Variants in ARSB observed in about 807,000 individuals in gnomAD.
The protein encoded by ARSB is N-acetylgalactosamine-4-sulfatase.
In ARSB, 41 loss-of-function variants were observed where a neutral mutation model predicts 50.9. The observed-to-expected ratio is 0.81, with a 90% confidence interval of 0.63 to 1.04. The LOEUF (loss-of-function observed/expected upper bound fraction) is 1.04, where lower values mean the gene tolerates loss of function less well. Among genes scored for constraint, ARSB ranks in the 50% least tolerant of loss-of-function variants. The pLI is 0.00. For missense variants in ARSB, 672 were observed against 693.3 expected, an observed-to-expected ratio of 0.97 and a Z score of 0.35; for synonymous variants, 269 against 284.8, an observed-to-expected ratio of 0.94 and a Z score of 0.56.
intron 5 of ARSB, among the ~76,000 whole-genome samples, chr5:78,865,992 A>G (rs1270442204): frequency 6.6e-6 from 1 of 151,924 alleles, no homozygotes; most frequent in African/African-American, 2.4e-5. Context: ...ACTTTCCCAC[A>G]TTTTCCTGTC....
At chr5:78,966,871 A>G (rs756136322) in intron 2 of ARSB, among the ~76,000 whole-genome samples, 2 of 151,782 alleles carry the variant, frequency 1.3e-5, no homozygotes, top group Non-Finnish European at 2.9e-5. Context: ...GTGATCTTAC[A>G]TCAAGTCTAA....
chr5:78,963,701 T>A (rs1050023687), intron 3 of ARSB, among the ~76,000 whole-genome samples: 1 of 152,118 alleles, frequency 6.6e-6, no homozygotes, highest in African/African-American at 2.4e-5. Context: ...AGCATCAGTA[T>A]AGTAAATGTG....
At chr5:78,853,253 T>C (rs1293468250) in intron 5 of ARSB, among the ~76,000 whole-genome samples, 1 of 152,206 alleles carries the variant, frequency 6.6e-6, no homozygotes, top group African/African-American at 2.4e-5. Context: ...GTCCTTTCTG[T>C]TTGTTAGTTT....
chr5:78,830,007 G>A (rs1744600888), intron 6 of ARSB, among the ~76,000 whole-genome samples: 2 of 152,318 alleles, frequency 1.3e-5, no homozygotes, highest in East Asian at 1.9e-4. Context: ...GCTCCAGGGT[G>A]GAAGACGGAA....
Position 78,964,430 on chromosome 5 carries a change from G to T in ARSB, c.676C>A (p.His226Asn). The stretch of plus-strand genomic sequence containing the variant: ...GCAAAACTTACCTTCTCTGGTGGAT[G>T]GTTAGTTATGAGGGCTATAGCCCTT... Reference protein sequence around the residue: ...TKRAIALITNHPPEKPLFLYL... With the variant: ...TKRAIALITNNPPEKPLFLYL... The change falls in exon 3 of 8, where the codon CAT (histidine) becomes AAT (asparagine). Residue 226 changes from histidine (H) to asparagine (N), a missense_variant. Coordinates refer to ENST00000264914, the MANE Select transcript of ARSB (RefSeq NM_000046.5). 1.2e-6 allele frequency: 2 copies of T among 1,613,938 alleles called. No homozygotes were observed. Among genetic ancestry groups the T allele is most frequent in the Non-Finnish European group, 1.7e-6 (2 of 1,179,852 alleles).
chr5:78,853,483 G>A (rs960489004), intron 5 of ARSB, among the ~76,000 whole-genome samples: 8 of 152,192 alleles, frequency 5.3e-5, no homozygotes, highest in African/African-American at 1.4e-4. Context: ...GGTGCCTCCC[G>A]GTTAGGTTGC....
intron 4 of ARSB, among the ~76,000 whole-genome samples, chr5:78,889,422 CCTGA>C (rs1262632176): frequency 1.3e-5 from 2 of 152,084 alleles, no homozygotes; most frequent in Non-Finnish European, 1.5e-5. Flanking sequence ...TGTTTCATTT[CCTGA>C]CTGACATATG....
At chr5:78,809,900 A>T (rs957507924) in intron 6 of ARSB, among the ~76,000 whole-genome samples, 5 of 152,184 alleles carry the variant, frequency 3.3e-5, no homozygotes, top group Non-Finnish European at 5.9e-5. Context: ...ACAGAGAGGA[A>T]TAGGGGGCAG....
chr5:78,852,703 G>A (rs376364022), intron 5 of ARSB, among the ~76,000 whole-genome samples: 7 of 152,082 alleles, frequency 4.6e-5, no homozygotes, highest in African/African-American at 1.2e-4. Context: ...CCAATCAGAC[G>A]TAGATTTGGT....
intron 5 of ARSB, among the ~76,000 whole-genome samples, chr5:78,851,794 G>C (rs1745805005): frequency 6.6e-6 from 1 of 152,132 alleles, no homozygotes. Flanking sequence ...TTGTTGAATT[G>C]ATCCCTTTAC....
Position 78,816,060 on chromosome 5 carries a change from C to T in ARSB, c.1213+23296G>A, listed in dbSNP as rs369045148. On this transcript the variant is annotated intron_variant, in intron 6 of 7. Coordinates refer to ENST00000264914, the MANE Select transcript of ARSB (RefSeq NM_000046.5). The stretch of plus-strand genomic sequence containing the variant: ...AGTCATTTCTTATGCCCTGGGTTAT[C>T]ATCTTCAGTAGAAAGTTGGTGGTAG... 15 of 1,613,974 alleles carry T rather than the reference C, an allele frequency of 9.3e-6. 1 individual carries two copies. In the African/African-American group the frequency reaches 1.5e-4, roughly 16 times the overall value.
At chr5:78,812,592 A>AACAC (rs66597603) in intron 6 of ARSB, among the ~76,000 whole-genome samples, 8,372 of 144,146 alleles carry the variant, frequency 0.058, 293 homozygotes, top group East Asian at 0.12. Context: ...ATTCTGTTCA[A>AACAC]ACACACACAC....
intron 2 of ARSB, among the ~76,000 whole-genome samples, chr5:78,968,643 C>T (rs1274038516): frequency 6.6e-6 from 1 of 152,098 alleles, no homozygotes; most frequent in Non-Finnish European, 1.5e-5. Flanking sequence ...GCCACCGCAC[C>T]CAGCCTGGAA....
chr5:78,803,892 G>A (rs1390597355), intron 6 of ARSB, among the ~76,000 whole-genome samples: 3 of 152,202 alleles, frequency 2.0e-5, no homozygotes, highest in Non-Finnish European at 4.4e-5. Flanking sequence ...TGTACTAGAC[G>A]TTGTACTCCA....
chr5:78,981,610 G>C (rs1247328718), intron 1 of ARSB, among the ~76,000 whole-genome samples: 1 of 152,206 alleles, frequency 6.6e-6, no homozygotes, highest in Non-Finnish European at 1.5e-5. Context: ...TTTAGAGCTA[G>C]ACAAAGTCTA....
At chr5:78,963,492 C>T (rs16876155) in intron 3 of ARSB, among the ~76,000 whole-genome samples, 5,153 of 152,128 alleles carry the variant, frequency 0.034, 204 homozygotes, top group African/African-American at 0.089. Flanking sequence ...TGTCAGGGTC[C>T]CACTGAAGTA....
intron 4 of ARSB, among the ~76,000 whole-genome samples, chr5:78,888,976 G>A (rs1314617603): frequency 6.6e-6 from 1 of 152,226 alleles, no homozygotes; most frequent in African/African-American, 2.4e-5. Context: ...TCCTGGCATA[G>A]CGCCAACTGC....
chr5:78,881,063 C>A (rs1258744549), intron 5 of ARSB, among the ~76,000 whole-genome samples: 2 of 152,050 alleles, frequency 1.3e-5, no homozygotes, highest in Non-Finnish European at 2.9e-5. Flanking sequence ...AAAACCCAGG[C>A]TCTACTAAAA....
At chr5:78,933,768 A>G (rs1378577270) in intron 4 of ARSB, among the ~76,000 whole-genome samples, 4 of 152,202 alleles carry the variant, frequency 2.6e-5, no homozygotes, top group Admixed American at 2.6e-4. Flanking sequence ...TGAATATGTT[A>G]CCTTACATGG....
Sources: gnomAD v4.1 joint callset for allele counts (sites outside exome capture counted in the v4.1 genomes callset) on GRCh38, gnomAD v4.1.1 for gene constraint, MANE v1.5 for transcripts, NCBI Gene and HGNC (gene_info 2026-07-23, HGNC 2026-07-21) for gene names.